The following GBE1 variants were observed in gnomAD, a reference collection of about 807,000 sequenced individuals.
The protein encoded by GBE1 is 1,4-alpha-glucan-branching enzyme.
A neutral mutation model predicts 88.8 loss-of-function variants in GBE1; 70 were observed. The ratio of observed to expected loss-of-function variants is 0.79; its 90% CI spans 0.65 to 0.96. GBE1 has a LOEUF of 0.96. GBE1 is among the 40% of genes least tolerant of loss of function. GBE1 has a pLI of 0.00. For missense variants in GBE1, 872 were observed against 871.0 expected, an observed-to-expected ratio of 1.00 and a Z score of -0.01; for synonymous variants, 284 against 300.1, an observed-to-expected ratio of 0.95 and a Z score of 0.56.
chr3:81,648,873 G>T lies in GBE1; in HGVS notation c.674C>A (p.Pro225Gln). ...SYKHFTCNVL[P>Q]RIKGLGYNCI... ...TTACTTACCAAGGCCTTTGATTCTT[G>T]GTAGTACATTGCATGTAAAATGTTT... is the stretch of plus-strand genomic sequence containing the variant. Residue 225 changes from proline (P) to glutamine (Q), a missense_variant, in exon 5 of 16, where the codon CCA becomes CAA. Physicochemically the swap from Pro to Gln is moderately conservative, Grantham distance 76. Transcript: ENST00000429644. The T allele has an allele frequency of 1.3e-6, 2 of 1,556,760 alleles. No homozygotes were observed. Among genetic ancestry groups the T allele is most frequent in the South Asian group, 1.2e-5 (1 of 80,418 alleles).
At chr3:81,653,022 G>T (rs1704873053) in intron 3 of GBE1, among the ~76,000 whole-genome samples, 1 of 152,142 alleles carries the variant, frequency 6.6e-6, no homozygotes, top group African/African-American at 2.4e-5. Context: ...TGGCTTGATT[G>T]ATCTTTCAAC....
Position 81,743,437 on chromosome 3 carries a change from C to A in GBE1, c.143+17938G>T, listed in dbSNP as rs572722186. 3 of 683,226 alleles carry A rather than the reference C, an allele frequency of 4.4e-6. No homozygotes were observed. In the Admixed American group the frequency reaches 7.0e-5, roughly 16 times the overall value. The allele number at this position is 683,226 out of a possible 1,614,324, so 42.3% of individuals were successfully genotyped here. On this transcript the variant is annotated intron_variant, in intron 1 of 15. Coordinates refer to ENST00000429644, the MANE Select transcript of GBE1 (RefSeq NM_000158.4). ...CAAGGCACACACACAATCATGAACA[C>A]ACATACACCCCCACAATATTATCAC...
intron 12 of GBE1, among the ~76,000 whole-genome samples, chr3:81,544,150 AG>A (rs1703175370): frequency 6.6e-6 from 1 of 152,178 alleles, no homozygotes. Context: ...GTCACAAGTA[AG>A]GGCTTTTAAG....
intron 1 of GBE1, among the ~76,000 whole-genome samples, chr3:81,708,525 G>C (rs991533648): frequency 6.6e-6 from 1 of 152,070 alleles, no homozygotes; most frequent in South Asian, 2.1e-4. Context: ...AGTCTATATG[G>C]ATGGGATATG....
In GBE1 at chr3:81,490,363, A is replaced by C; in HGVS notation, c.*44T>G. ...GCTGTGTGACAGTGATAACAAGAAA[A>C]CAAAACACAAATCTGCATCTGGTGG... is the stretch of plus-strand genomic sequence containing the variant. On this transcript the variant is annotated 3_prime_UTR_variant, in exon 16 of 16. Coordinates refer to ENST00000429644, the MANE Select transcript of GBE1 (RefSeq NM_000158.4). 1.3e-6 allele frequency: 2 copies of C among 1,523,384 alleles called. No individual in the cohort carries two copies. The highest frequency in any genetic ancestry group is 9.1e-7 in the Non-Finnish European group (1 of 1,097,622). 94.4% of individuals were successfully genotyped at this position (1,523,384 alleles called of 1,614,324 possible). A position where few individuals can be genotyped will look rare whatever the true frequency, so the allele number is the denominator to read the frequency against.
At chr3:81,680,289 C>T (rs1347525616) in intron 2 of GBE1, among the ~76,000 whole-genome samples, 4 of 151,960 alleles carry the variant, frequency 2.6e-5, no homozygotes. Flanking sequence ...ATGAGGAGAT[C>T]GAGACCATCC....
intron 7 of GBE1, among the ~76,000 whole-genome samples, chr3:81,607,770 T>C (rs1704123749): frequency 1.3e-5 from 2 of 152,214 alleles, no homozygotes; most frequent in South Asian, 4.1e-4. Flanking sequence ...TCATCCATTA[T>C]GCAATTGGTA....
At chr3:81,518,159 A>G (rs1283169228) in intron 14 of GBE1, among the ~76,000 whole-genome samples, 1 of 151,420 alleles carries the variant, frequency 6.6e-6, no homozygotes, top group Admixed American at 6.6e-5. Context: ...AAAGGTTATG[A>G]CAATATTTCT....
At chr3:81,519,123 AC>A (rs1413490319) in intron 14 of GBE1, among the ~76,000 whole-genome samples, 4 of 151,618 alleles carry the variant, frequency 2.6e-5, no homozygotes, top group Non-Finnish European at 5.9e-5. Context: ...CCTTCTGTAA[AC>A]CAAGCAACTC....
intron 15 of GBE1, among the ~76,000 whole-genome samples, chr3:81,497,805 C>A (rs562490605): frequency 2.0e-5 from 3 of 152,270 alleles, no homozygotes; most frequent in South Asian, 4.1e-4. Context: ...TCTTTCCTAA[C>A]CCCTAAGGGC....
chr3:81,533,745 A>G (rs545253793), intron 14 of GBE1, among the ~76,000 whole-genome samples: 2 of 152,160 alleles, frequency 1.3e-5, no homozygotes, highest in East Asian at 3.9e-4. Flanking sequence ...CTGGTCAATA[A>G]AATATGAAAG....
intron 2 of GBE1, among the ~76,000 whole-genome samples, chr3:81,684,141 A>G (rs1326341077): frequency 6.6e-6 from 1 of 152,136 alleles, no homozygotes; most frequent in Admixed American, 6.5e-5. Flanking sequence ...TCCAAGAGGG[A>G]GAGTAACAAA....
At chr3:81,729,257 G>C (rs748796058) in intron 1 of GBE1, among the ~76,000 whole-genome samples, 9 of 152,124 alleles carry the variant, frequency 5.9e-5, no homozygotes, top group Non-Finnish European at 1.2e-4. Context: ...AAAGTCACTT[G>C]TTCCTACTGT....
chr3:81,682,519 A>G (rs1011599023), intron 2 of GBE1, among the ~76,000 whole-genome samples: 4 of 152,148 alleles, frequency 2.6e-5, no homozygotes, highest in Admixed American at 6.6e-5. Context: ...GGTATTCAAC[A>G]TTATTAGTCA....
chr3:81,561,357 T>C (rs1030431482), intron 12 of GBE1, among the ~76,000 whole-genome samples: 1 of 152,066 alleles, frequency 6.6e-6, no homozygotes, highest in Non-Finnish European at 1.5e-5. Flanking sequence ...GTAAAAATAA[T>C]TTACCTGAAA....
At chr3:81,505,729 G>A (rs1186376550) in intron 14 of GBE1, among the ~76,000 whole-genome samples, 1 of 151,954 alleles carries the variant, frequency 6.6e-6, no homozygotes, top group African/African-American at 2.4e-5. Context: ...GTGGTGGAGG[G>A]GTGTCGTGGT....
intron 14 of GBE1, among the ~76,000 whole-genome samples, chr3:81,528,636 T>C (rs1431166826): frequency 6.6e-6 from 1 of 152,000 alleles, no homozygotes; most frequent in Non-Finnish European, 1.5e-5. Context: ...TCTAATAATA[T>C]TTGCTTTATA....
chr3:81,726,566 G>C (rs1013673020), intron 1 of GBE1, among the ~76,000 whole-genome samples: 15 of 150,710 alleles, frequency 1.0e-4, no homozygotes, highest in African/African-American at 3.2e-4. Flanking sequence ...TTTAAATATG[G>C]CATCTTTGAT....
chr3:81,719,752 T>C (rs1705994247), intron 1 of GBE1, among the ~76,000 whole-genome samples: 1 of 152,170 alleles, frequency 6.6e-6, no homozygotes, highest in Non-Finnish European at 1.5e-5. Flanking sequence ...CTTTATGATA[T>C]ATAGTTTCAA....
Sources: gnomAD v4.1 joint callset for allele counts (sites outside exome capture counted in the v4.1 genomes callset) on GRCh38, gnomAD v4.1.1 for gene constraint, MANE v1.5 for transcripts, NCBI Gene and HGNC (gene_info 2026-07-23, HGNC 2026-07-21) for gene names.